Variants in GALNTL6 observed in about 807,000 individuals in gnomAD.
The protein encoded by GALNTL6 is polypeptide N-acetylgalactosaminyltransferase like 6.
In GALNTL6, 46 loss-of-function variants were observed where a neutral mutation model predicts 73.7. That is an observed-to-expected ratio of 0.62 (90% CI 0.49 to 0.80). The LOEUF (loss-of-function observed/expected upper bound fraction) is 0.80. Ranked by LOEUF, GALNTL6 falls within the 30% of genes least tolerant of loss-of-function variation. The pLI is 0.00. For missense variants in GALNTL6, 604 were observed against 755.0 expected (o/e 0.80, Z 2.34); for synonymous variants, 259 against 263.7 (o/e 0.98, Z 0.17).
chr4:172,358,157 A>G (rs1418506570), intron 5 of GALNTL6, among the ~76,000 whole-genome samples: 1 of 152,224 alleles, frequency 6.6e-6, no homozygotes, highest in Non-Finnish European at 1.5e-5. Context: ...GAGCCTCAGC[A>G]TTGGAGACAG....
chr4:172,449,297 A>T (rs565316092), intron 5 of GALNTL6, among the ~76,000 whole-genome samples: 106 of 152,306 alleles, frequency 7.0e-4, no homozygotes, highest in African/African-American at 2.4e-3. Context: ...TAATTAAAAG[A>T]TATTTAAGTA....
In GALNTL6 at chr4:172,911,561, A is replaced by T. The variant is rs1747204994; in HGVS notation, c.1042-19600A>T. On this transcript the variant is annotated intron_variant, in intron 8 of 12. Transcript: ENST00000506823. ...TTTTTTCCTACAGTATTTAGCCTAGATGACATTAAAATATCCATTTTAGTT... is the reference window on the plus strand; with the variant it reads ...TTTTTTCCTACAGTATTTAGCCTAGTTGACATTAAAATATCCATTTTAGTT... Among the ~76,000 whole-genome samples, 3 of 152,210 alleles carry T rather than the reference A, an allele frequency of 2.0e-5. No individual in the cohort carries two copies. In the South Asian group the frequency reaches 6.2e-4, roughly 32 times the overall value.
intron 2 of GALNTL6, among the ~76,000 whole-genome samples, chr4:172,132,501 A>T (rs1733526137): frequency 6.6e-6 from 1 of 152,084 alleles, no homozygotes; most frequent in Non-Finnish European, 1.5e-5. Flanking sequence ...GGGTTACTTT[A>T]TTAATTTCAG....
intron 11 of GALNTL6, among the ~76,000 whole-genome samples, chr4:173,009,642 C>G (rs1437423391): frequency 6.6e-6 from 1 of 152,176 alleles, no homozygotes; most frequent in Non-Finnish European, 1.5e-5. Context: ...ACACTTCCAA[C>G]TAAATTTCAT....
At chr4:172,436,633 T>A (rs1029360920) in intron 5 of GALNTL6, among the ~76,000 whole-genome samples, 2 of 152,164 alleles carry the variant, frequency 1.3e-5, no homozygotes, top group Non-Finnish European at 2.9e-5. Flanking sequence ...TTCTTCCTTA[T>A]AATTCTATGG....
At chr4:172,593,840 C>T (rs1737749155) in intron 5 of GALNTL6, among the ~76,000 whole-genome samples, 1 of 152,098 alleles carries the variant, frequency 6.6e-6, no homozygotes, top group Admixed American at 6.5e-5. Flanking sequence ...AGTGATTCTC[C>T]TTCCTCAGTC....
intron 5 of GALNTL6, among the ~76,000 whole-genome samples, chr4:172,715,257 C>T (rs147099891): frequency 2.4e-4 from 36 of 152,168 alleles, no homozygotes; most frequent in African/African-American, 7.9e-4. Context: ...GTGTATGTGG[C>T]GGCAGGGTGT....
rs1412839767 is a variant in GALNTL6 at position 171,813,477 on chromosome 4, C to G, written c.-683C>G. On this transcript the variant is annotated 5_prime_UTR_variant, in exon 1 of 13. Coordinates refer to ENST00000506823, the MANE Select transcript of GALNTL6 (RefSeq NM_001034845.3). The surrounding 1 kb of genome is among the most constrained non-coding windows in gnomAD (Gnocchi z 5.2). ...CGCGGGCGACCGTGTGCAGCCGCGG[C>G]GCATCTCCGCCTTCCGCTCCTCCTC... The G allele has an allele frequency of 1.3e-5, 2 of 152,334 alleles. No homozygotes were observed. Among genetic ancestry groups the G allele is most frequent in the East Asian group, 1.9e-4 (1 of 5,178 alleles). The allele number at this position is 152,334 out of a possible 1,614,324, so 9.4% of individuals were successfully genotyped here.
intron 5 of GALNTL6, among the ~76,000 whole-genome samples, chr4:172,740,367 G>C (rs1540477): frequency 0.36 from 54,257 of 151,726 alleles, 10,684 homozygotes; most frequent in African/African-American, 0.52. Context: ...CTTGGCTTGG[G>C]TTTGCAGCAT....
At chr4:172,952,523 T>G (rs1427946066) in intron 10 of GALNTL6, among the ~76,000 whole-genome samples, 2 of 151,776 alleles carry the variant, frequency 1.3e-5, no homozygotes, top group Admixed American at 6.6e-5. Flanking sequence ...GTTTTTGTTT[T>G]TGTTTTTTTT....
chr4:172,974,925 C>A (rs918243466), intron 10 of GALNTL6, among the ~76,000 whole-genome samples: 2 of 152,232 alleles, frequency 1.3e-5, no homozygotes, highest in Non-Finnish European at 2.9e-5. Context: ...GCTCAGAAGC[C>A]TGGAGACACC....
chr4:172,623,003 A>T (rs1334095209), intron 5 of GALNTL6, among the ~76,000 whole-genome samples: 1 of 152,174 alleles, frequency 6.6e-6, no homozygotes, highest in Non-Finnish European at 1.5e-5. Flanking sequence ...TTAGAGCATG[A>T]TAATGATGTA....
At chr4:171,946,906 C>T in intron 2 of GALNTL6, among the ~76,000 whole-genome samples, 1 of 69,220 alleles carries the variant, frequency 1.4e-5, no homozygotes, top group East Asian at 3.8e-4. Flanking sequence ...ATATGTTTTA[C>T]TAAGTTCCGG....
At chr4:171,967,457 T>TTTTTGTTTTTTG (rs1553976695) in intron 2 of GALNTL6, among the ~76,000 whole-genome samples, 3 of 105,246 alleles carry the variant, frequency 2.9e-5, no homozygotes, top group Admixed American at 8.5e-5. Context: ...GTTTTTTTTT[T>TTTTTGTTTTTTG]TTTTTTTTGT....
chr4:172,273,560 G>T (rs1020220981), intron 3 of GALNTL6, among the ~76,000 whole-genome samples: 7 of 152,164 alleles, frequency 4.6e-5, no homozygotes, highest in Non-Finnish European at 1.0e-4. Flanking sequence ...AAACAGAAAA[G>T]AGAAGCAGGG....
At chr4:172,788,620 C>T (rs1018504302) in intron 5 of GALNTL6, among the ~76,000 whole-genome samples, 1 of 143,514 alleles carries the variant, frequency 7.0e-6, no homozygotes, top group Non-Finnish European at 1.5e-5. Context: ...TGCAGTGGGC[C>T]GATATCGCAC....
chr4:172,396,526 A>G (rs184435411), intron 5 of GALNTL6, among the ~76,000 whole-genome samples: 25 of 152,242 alleles, frequency 1.6e-4, no homozygotes, highest in African/African-American at 5.8e-4. Flanking sequence ...TTCTGAAAAT[A>G]AGAGATGTTT....
intron 4 of GALNTL6, among the ~76,000 whole-genome samples, chr4:172,340,990 C>A (rs1293464453): frequency 6.6e-6 from 1 of 152,114 alleles, no homozygotes; most frequent in Non-Finnish European, 1.5e-5. Flanking sequence ...ACCTTGGTCG[C>A]CTGGACTCTT....
chr4:171,870,447 C>T (rs760574902), intron 2 of GALNTL6, among the ~76,000 whole-genome samples: 1 of 152,190 alleles, frequency 6.6e-6, no homozygotes, highest in Non-Finnish European at 1.5e-5. Context: ...ACATAAGCTC[C>T]TATCTAGCTT....
Sources: allele counts gnomAD v4.1 joint callset (sites outside exome capture counted in the v4.1 genomes callset), GRCh38; gene constraint gnomAD v4.1.1; non-coding constraint Gnocchi (gnomAD v3.1); transcripts MANE v1.5; gene names NCBI Gene and HGNC (gene_info 2026-07-23, HGNC 2026-07-21).